FOXN4: variants seen among roughly 807,000 people sequenced by gnomAD.
The protein encoded by FOXN4 is forkhead box protein N4.
A neutral mutation model predicts 45.0 loss-of-function variants in FOXN4; 12 were observed. That is an observed-to-expected ratio of 0.27 (90% CI 0.17 to 0.43). FOXN4 has a LOEUF of 0.43. Ranked by LOEUF, FOXN4 falls within the 20% of genes least tolerant of loss-of-function variation. The probability of loss-of-function intolerance (pLI) is 1.00; values close to 1 mark genes in which losing one functional copy is unlikely to be tolerated. For synonymous variants in FOXN4, 297 were observed against 295.0 expected (o/e 1.01, Z -0.07); for missense variants, 560 against 694.9 (o/e 0.81, Z 2.18).
In FOXN4 at chr12:109,287,818, C is replaced by T. The variant is rs983722591; in HGVS notation, c.468+26G>A. The T allele has an allele frequency of 3.2e-5, 49 of 1,540,348 alleles. No homozygotes were observed. The highest frequency in any genetic ancestry group is 4.1e-5 in the Non-Finnish European group (47 of 1,143,282). On this transcript the variant is annotated intron_variant, in intron 5 of 9. Coordinates refer to ENST00000299162, the MANE Select transcript of FOXN4 (RefSeq NM_213596.3). This position sits in a 1 kb window ranked among gnomAD's most constrained non-coding sequence, Gnocchi z 4.1. The stretch of plus-strand genomic sequence containing the variant: ...CAAGGCAGGGTGTCTGCTGCTCAGT[C>T]CAGGGCTCCCCTGAGCCCTTGGTAC...
intron 9 of FOXN4, among the ~76,000 whole-genome samples, chr12:109,281,130 T>TA (rs1164415760): frequency 1.3e-5 from 2 of 152,244 alleles, no homozygotes; most frequent in Admixed American, 1.3e-4. Flanking sequence ...TGCCATTGGC[T>TA]ATAACAGGTT....
At chr12:109,304,384 T>C (rs1053952425) in intron 2 of FOXN4, among the ~76,000 whole-genome samples, 3 of 152,190 alleles carry the variant, frequency 2.0e-5, no homozygotes, top group African/African-American at 7.2e-5. Flanking sequence ...TGCAGGTGCC[T>C]GGCACACAGT....
Position 109,287,654 on chromosome 12 carries a change from C to G in FOXN4, c.469-130G>C. On this transcript the variant is annotated intron_variant, in intron 5 of 9. Coordinates refer to ENST00000299162, the MANE Select transcript of FOXN4 (RefSeq NM_213596.3). This position sits in a 1 kb window ranked among gnomAD's most constrained non-coding sequence, Gnocchi z 4.1. Reference sequence around the variant, plus strand: ...CCTTGTGTGGGGATTCACAACCGTCCAGGAAACAATCTTGTCTCCACTCAG... The same window carrying G: ...CCTTGTGTGGGGATTCACAACCGTCGAGGAAACAATCTTGTCTCCACTCAG... 1 of 1,308,310 alleles carries G rather than the reference C, an allele frequency of 7.6e-7. No individual in the cohort carries two copies. Among genetic ancestry groups the G allele is most frequent in the East Asian group, 2.6e-5 (1 of 39,090 alleles). The allele number at this position is 1,308,310 out of a possible 1,614,324, so 81.0% of individuals were successfully genotyped here. A position where few individuals can be genotyped will look rare whatever the true frequency, so the allele number is the denominator to read the frequency against.
chr12:109,281,330 C>T (rs2047649600), intron 9 of FOXN4, 77 bp downstream of exon 9: 2 of 1,544,940 alleles, frequency 1.3e-6, no homozygotes, highest in African/African-American at 1.4e-5. Flanking sequence ...CAGTACAGTC[C>T]TCTCCCTCAC....
At position 109,287,642 on chromosome 12, in the gene FOXN4, T is replaced by C; in HGVS notation, c.469-118A>G. The C allele has an allele frequency of 7.5e-7, 1 of 1,335,922 alleles. No individual in the cohort carries two copies. Among genetic ancestry groups the C allele is most frequent in the Non-Finnish European group, 1.0e-6 (1 of 996,894 alleles). 82.8% of individuals were successfully genotyped at this position (1,335,922 alleles called of 1,614,324 possible). A position where few individuals can be genotyped will look rare whatever the true frequency, so the allele number is the denominator to read the frequency against. ...AGTTTCAAAACACCTTGTGTGGGGA[T>C]TCACAACCGTCCAGGAAACAATCTT... On this transcript the variant is annotated intron_variant, in intron 5 of 9. Transcript: ENST00000299162. The surrounding 1 kb of genome is among the most constrained non-coding windows in gnomAD (Gnocchi z 4.1).
At chr12:109,304,928 C>A (rs2047908182) in intron 2 of FOXN4, among the ~76,000 whole-genome samples, 1 of 152,170 alleles carries the variant, frequency 6.6e-6, no homozygotes, top group African/African-American at 2.4e-5. Context: ...ATGCCTTGAC[C>A]CATTCGAAGT....
In FOXN4 at chr12:109,279,818, C is replaced by G. The variant is rs374897814; in HGVS notation, c.1407G>C (p.Ser469=). 7 of 1,612,788 alleles carry G rather than the reference C, an allele frequency of 4.3e-6. No homozygotes were observed. In the Admixed American group the frequency reaches 5.0e-5, roughly 12 times the overall value. Residue 469 remains serine (S), a synonymous_variant, in exon 10 of 10, where the codon TCG becomes TCC. Transcript: ENST00000299162. ...CTGGGAAGGACTGGTCGCTGCCACCCGAGGCAGGGGTTAGGCCTGAGGCCC... is the reference window on the plus strand; with the variant it reads ...CTGGGAAGGACTGGTCGCTGCCACCGGAGGCAGGGGTTAGGCCTGAGGCCC... ...DLGASGLTPA[S]GGSDQSFPDL...
At position 109,286,761 on chromosome 12, in the gene FOXN4, G is replaced by C; in HGVS notation, c.597-17C>G. 2 of 1,546,724 alleles carry C rather than the reference G, an allele frequency of 1.3e-6. No homozygotes were observed. Among genetic ancestry groups the C allele is most frequent in the Non-Finnish European group, 1.7e-6 (2 of 1,158,846 alleles). On this transcript the variant is annotated splice_polypyrimidine_tract_variant and intron_variant, in intron 6 of 9. Transcript: ENST00000299162. Reference sequence around the variant, plus strand: ...ATCAGACAGCTGGGGGCAGGAGGTGGGGCAGGGCAGGGCAGGGCAGGACAG... The same window carrying C: ...ATCAGACAGCTGGGGGCAGGAGGTGCGGCAGGGCAGGGCAGGGCAGGACAG...
Position 109,285,365 on chromosome 12 carries a change from C to A in FOXN4, c.840G>T (p.Glu280Asp). ...LNLARIDKME[E>D]EMHKWKRKDL... ...CCTTCCTCTTCCACTTGTGCATCTC[C>A]TCCTCCATCTTGTCGATGCGGGCCA... Residue 280 changes from glutamate (E) to aspartate (D), a missense_variant, in exon 8 of 10, where the codon GAG becomes GAT. Coordinates refer to ENST00000299162, the MANE Select transcript of FOXN4 (RefSeq NM_213596.3). 1 of 1,613,934 alleles carries A rather than the reference C, an allele frequency of 6.2e-7. No homozygotes were observed. Among genetic ancestry groups the A allele is most frequent in the Non-Finnish European group, 8.5e-7 (1 of 1,179,872 alleles).
At chr12:109,306,891 C>T (rs1404509360) in intron 2 of FOXN4, among the ~76,000 whole-genome samples, 1 of 152,178 alleles carries the variant, frequency 6.6e-6, no homozygotes, top group Non-Finnish European at 1.5e-5. Context: ...CCTGAGAGTG[C>T]TGGAAGGAAG....
chr12:109,299,228 G>A (rs188512180), intron 2 of FOXN4, among the ~76,000 whole-genome samples: 91 of 152,126 alleles, frequency 6.0e-4, no homozygotes, highest in African/African-American at 2.1e-3. Flanking sequence ...AACTTCCCCC[G>A]CCCCCAAGGA....
At position 109,287,699 on chromosome 12, in the gene FOXN4, C is replaced by A; in HGVS notation, c.468+145G>T. Reference sequence around the variant, plus strand: ...ACTCAGGGCAGGAGTTTTGGGGGAACGGAATGAATGACCCCATGACATGAG... The same window carrying A: ...ACTCAGGGCAGGAGTTTTGGGGGAAAGGAATGAATGACCCCATGACATGAG... On this transcript the variant is annotated intron_variant, in intron 5 of 9. Coordinates refer to ENST00000299162, the MANE Select transcript of FOXN4 (RefSeq NM_213596.3). The surrounding 1 kb of genome is among the most constrained non-coding windows in gnomAD (Gnocchi z 4.1). 1 of 1,112,330 alleles carries A rather than the reference C, an allele frequency of 9.0e-7. No individual in the cohort carries two copies. The highest frequency in any genetic ancestry group is 1.6e-5 in the African/African-American group (1 of 63,416). The allele number at this position is 1,112,330 out of a possible 1,614,324, so 68.9% of individuals were successfully genotyped here. A position where few individuals can be genotyped will look rare whatever the true frequency, so the allele number is the denominator to read the frequency against.
At chr12:109,304,407 A>G (rs1012204695) in intron 2 of FOXN4, among the ~76,000 whole-genome samples, 1 of 151,988 alleles carries the variant, frequency 6.6e-6, no homozygotes, top group African/African-American at 2.4e-5. Flanking sequence ...ATACTTAATA[A>G]CTCTGTTTTA....
rs1388176641 is a variant in FOXN4, at chr12:109,278,904, G to A, written c.*767C>T. 1 of 152,310 alleles carries A rather than the reference G, an allele frequency of 6.6e-6. No homozygotes were observed. Among genetic ancestry groups the A allele is most frequent in the Admixed American group, 6.5e-5 (1 of 15,278 alleles). The allele number at this position is 152,310 out of a possible 1,614,324, so 9.4% of individuals were successfully genotyped here. A position where few individuals can be genotyped will look rare whatever the true frequency, so the allele number is the denominator to read the frequency against. Reference sequence around the variant, plus strand: ...TAGAGATGTCATTCTCTGGCCTGTAGGAGTTAGGATGGCTGGGAGGTAGGG... The same window carrying A: ...TAGAGATGTCATTCTCTGGCCTGTAAGAGTTAGGATGGCTGGGAGGTAGGG... On this transcript the variant is annotated 3_prime_UTR_variant, in exon 10 of 10. Transcript: ENST00000299162.
Position 109,287,554 on chromosome 12 carries a change from G to T in FOXN4, c.469-30C>A. 1 of 1,495,852 alleles carries T rather than the reference G, an allele frequency of 6.7e-7. No homozygotes were observed. Among genetic ancestry groups the T allele is most frequent in the African/African-American group, 1.4e-5 (1 of 71,034 alleles). The allele number at this position is 1,495,852 out of a possible 1,614,324, so 92.7% of individuals were successfully genotyped here. ...CCACAGGCAGGGGCAGGGAGAAAGT[G>T]GCAGAGAAAGAGAGAAGGTGAGAAA... is the stretch of plus-strand genomic sequence containing the variant. On this transcript the variant is annotated intron_variant, in intron 5 of 9. Transcript: ENST00000299162. This position sits in a 1 kb window ranked among gnomAD's most constrained non-coding sequence, Gnocchi z 4.1.
Position 109,287,612 on chromosome 12 carries a change from A to G in FOXN4, c.469-88T>C. 7.0e-7 allele frequency: 1 copy of G among 1,429,648 alleles called. No individual in the cohort carries two copies. 88.6% of individuals were successfully genotyped at this position (1,429,648 alleles called of 1,614,324 possible). A position where few individuals can be genotyped will look rare whatever the true frequency, so the allele number is the denominator to read the frequency against. On this transcript the variant is annotated intron_variant, in intron 5 of 9. Coordinates refer to ENST00000299162, the MANE Select transcript of FOXN4 (RefSeq NM_213596.3). The surrounding 1 kb of genome is among the most constrained non-coding windows in gnomAD (Gnocchi z 4.1). ...CGTCACTCACAGTAACACTGTCCCC[A>G]CCCCAGTTTCAAAACACCTTGTGTG...
intron 6 of FOXN4, chr12:109,286,979 C>T: frequency 9.2e-7 from 1 of 1,088,696 alleles, no homozygotes; most frequent in East Asian, 2.8e-5. Context: ...AGAAATCTTA[C>T]CCTTTCCCCT....
chr12:109,292,401 A>C (rs1021824978), intron 2 of FOXN4, among the ~76,000 whole-genome samples: 1 of 152,030 alleles, frequency 6.6e-6, no homozygotes, highest in African/African-American at 2.4e-5. Context: ...AACAGGCAGT[A>C]CTCGTGGTGG....
rs148638427 is a variant in FOXN4, at chr12:109,297,486, G to A, written c.87-7200C>T. ...CTCCCAAGTAACTGGGATTACAGGC[G>A]CCACCATGCCCAGCTCAGTCTTTGC... On this transcript the variant is annotated intron_variant, in intron 2 of 9. Transcript: ENST00000299162. Among the ~76,000 whole-genome samples, 201 of 152,184 alleles carry A rather than the reference G, an allele frequency of 1.3e-3. 1 individual carries two copies. The highest frequency in any genetic ancestry group is 4.5e-3 in the African/African-American group (189 of 41,546).
Sources: allele counts gnomAD v4.1 joint callset (sites outside exome capture counted in the v4.1 genomes callset), GRCh38; gene constraint gnomAD v4.1.1; non-coding constraint Gnocchi (gnomAD v3.1); transcripts MANE v1.5; gene names NCBI Gene and HGNC (gene_info 2026-07-23, HGNC 2026-07-21).